ZMAT4: variants seen among roughly 807,000 people sequenced by gnomAD.
The protein encoded by ZMAT4 is zinc finger matrin-type protein 4.
ZMAT4 carries 17 observed loss-of-function variants against 28.7 expected under a neutral mutation model. The ratio of observed to expected loss-of-function variants is 0.59; its 90% CI spans 0.41 to 0.89. The LOEUF (loss-of-function observed/expected upper bound fraction) is 0.89. Among genes scored for constraint, ZMAT4 ranks in the 40% least tolerant of loss-of-function variants. The pLI is 0.00. For synonymous variants in ZMAT4, 117 were observed against 109.2 expected, an observed-to-expected ratio of 1.07 and a Z score of -0.44; for missense variants, 240 against 283.8, an observed-to-expected ratio of 0.85 and a Z score of 1.11.
At chr8:40,561,808 T>C (rs2118471083) in intron 6 of ZMAT4, among the ~76,000 whole-genome samples, 1 of 152,232 alleles carries the variant, frequency 6.6e-6, no homozygotes, top group East Asian at 1.9e-4. Flanking sequence ...CTATCATTAG[T>C]GTTCGTGTAT....
intron 3 of ZMAT4, among the ~76,000 whole-genome samples, chr8:40,730,529 T>C (rs1563441822): frequency 6.6e-6 from 1 of 152,248 alleles, no homozygotes. Context: ...ACTTTATTCC[T>C]CTAAAATACT....
intron 5 of ZMAT4, among the ~76,000 whole-genome samples, chr8:40,617,354 G>A (rs900259453): frequency 2.0e-5 from 3 of 152,172 alleles, no homozygotes; most frequent in Non-Finnish European, 4.4e-5. Context: ...CCCAAGGCTA[G>A]GGCCTATGCA....
chr8:40,613,816 A>G (rs150063178), intron 5 of ZMAT4, among the ~76,000 whole-genome samples: 19 of 152,342 alleles, frequency 1.2e-4, no homozygotes, highest in African/African-American at 4.1e-4. Context: ...GCGTGGAATT[A>G]GCATCCAAGC....
At chr8:40,612,218 C>CTTGGCTCACTGCA (rs1405179425) in intron 5 of ZMAT4, among the ~76,000 whole-genome samples, 3 of 140,952 alleles carry the variant, frequency 2.1e-5, no homozygotes, top group Non-Finnish European at 1.6e-5. Flanking sequence ...AATGCTCATT[C>CTTGGCTCACTGCA]ATATCCTCTG....
At chr8:40,756,130 G>C (rs1241061555) in intron 3 of ZMAT4, among the ~76,000 whole-genome samples, 1 of 152,030 alleles carries the variant, frequency 6.6e-6, no homozygotes, top group African/African-American at 2.4e-5. Flanking sequence ...TTGAGTGGGG[G>C]AAGATAAAAA....
At chr8:40,594,716 C>T (rs995584569) in intron 5 of ZMAT4, among the ~76,000 whole-genome samples, 2 of 152,146 alleles carry the variant, frequency 1.3e-5, no homozygotes, top group African/African-American at 4.8e-5. Context: ...CATTTTGTAA[C>T]AATTTAATAT....
intron 6 of ZMAT4, among the ~76,000 whole-genome samples, chr8:40,567,038 C>A (rs2118492892): frequency 6.6e-6 from 1 of 152,134 alleles, no homozygotes; most frequent in South Asian, 2.1e-4. Context: ...GAGTAAAGTG[C>A]ACATGTTATC....
At chr8:40,832,461 A>T (rs2150618783) in intron 1 of ZMAT4, among the ~76,000 whole-genome samples, 1 of 152,132 alleles carries the variant, frequency 6.6e-6, no homozygotes, top group South Asian at 2.1e-4. Context: ...CACCTCGAAA[A>T]GCCGCTGTGC....
chr8:40,581,057 G>T, intron 6 of ZMAT4, 108 bp downstream of exon 6: 1 of 857,944 alleles, frequency 1.2e-6, no homozygotes, highest in Non-Finnish European at 1.8e-6. Context: ...CAAAAGAGAT[G>T]TAATTTCCAC....
chr8:40,763,522 G>T (rs1165648575), intron 3 of ZMAT4, among the ~76,000 whole-genome samples: 1 of 152,074 alleles, frequency 6.6e-6, no homozygotes, highest in Non-Finnish European at 1.5e-5. Context: ...TTTTTACCCT[G>T]CCCAGAACAA....
At chr8:40,666,065 G>A (rs1808402045) in intron 5 of ZMAT4, among the ~76,000 whole-genome samples, 1 of 152,010 alleles carries the variant, frequency 6.6e-6, no homozygotes, top group East Asian at 1.9e-4. Context: ...AAATGATAAA[G>A]GTCTGCAAAA....
At chr8:40,649,596 C>G (rs987283931) in intron 5 of ZMAT4, among the ~76,000 whole-genome samples, 1 of 152,112 alleles carries the variant, frequency 6.6e-6, no homozygotes, top group African/African-American at 2.4e-5. Flanking sequence ...CTACAGAACT[C>G]TCCATCCCAT....
At chr8:40,716,151 C>A (rs757094807) in intron 3 of ZMAT4, among the ~76,000 whole-genome samples, 4 of 152,170 alleles carry the variant, frequency 2.6e-5, no homozygotes, top group Non-Finnish European at 4.4e-5. Flanking sequence ...TTTCAAATCT[C>A]AACTGTATTC....
At chr8:40,822,462 T>G (rs1437283868) in intron 2 of ZMAT4, among the ~76,000 whole-genome samples, 1 of 152,182 alleles carries the variant, frequency 6.6e-6, no homozygotes, top group Admixed American at 6.5e-5. Context: ...ATGAATTGAA[T>G]GGAATTTCGA....
intron 3 of ZMAT4, among the ~76,000 whole-genome samples, chr8:40,723,422 A>G (rs1811188116): frequency 6.6e-6 from 1 of 151,804 alleles, no homozygotes; most frequent in Admixed American, 6.6e-5. Flanking sequence ...AGGCACCTGT[A>G]ATCCCAGCTG....
At chr8:40,781,789 A>AAAAAAAC (rs1563480296) in intron 2 of ZMAT4, among the ~76,000 whole-genome samples, 3 of 147,848 alleles carry the variant, frequency 2.0e-5, no homozygotes, top group African/African-American at 7.6e-5. Flanking sequence ...AAAAAAAAAA[A>AAAAAAAC]AAGAAAAGAA....
Position 40,532,014 on chromosome 8 carries a change from T to A in ZMAT4, c.*209A>T, listed in dbSNP as rs1034730092. 5.0e-6 allele frequency: 2 copies of A among 401,360 alleles called. No individual in the cohort carries two copies. Among genetic ancestry groups the A allele is most frequent in the Middle Eastern group, 6.4e-4 (1 of 1,566 alleles). The allele number at this position is 401,360 out of a possible 1,614,324, so 24.9% of individuals were successfully genotyped here. ...AAGAATTTAAAAATCCATCCAAATA[T>A]CATAACTTACCCCAAAATTAAAAAA... On this transcript the variant is annotated 3_prime_UTR_variant, in exon 7 of 7. Transcript: ENST00000297737.
intron 3 of ZMAT4, among the ~76,000 whole-genome samples, chr8:40,701,506 ATTTTTTTTTT>A (rs58912869): frequency 6.8e-3 from 504 of 73,958 alleles, no homozygotes; most frequent in African/African-American, 0.023. Flanking sequence ...ACTATGCAGA[ATTTTTTTTTT>A]TTTTTTTTTT....
intron 3 of ZMAT4, among the ~76,000 whole-genome samples, chr8:40,751,160 A>G (rs1468455045): frequency 5.9e-5 from 9 of 152,180 alleles, no homozygotes; most frequent in African/African-American, 1.9e-4. Flanking sequence ...TGGGAAGGAC[A>G]TTGACCTCTG....
Sources: gnomAD v4.1 joint callset for allele counts (sites outside exome capture counted in the v4.1 genomes callset) on GRCh38, gnomAD v4.1.1 for gene constraint, MANE v1.5 for transcripts, NCBI Gene and HGNC (gene_info 2026-07-23, HGNC 2026-07-21) for gene names.